DENND2B: variants seen among roughly 807,000 people sequenced by gnomAD.
DENND2B encodes the protein DENN domain containing 2B, also known as DENN domain-containing protein 2B.
DENND2B carries 32 observed loss-of-function variants against 116.0 expected under a neutral mutation model. The observed-to-expected ratio is 0.28, with a 90% CI of 0.21 to 0.37. DENND2B has a LOEUF of 0.37. Among genes scored for constraint, DENND2B ranks in the 10% least tolerant of loss-of-function variants. The pLI, the probability that DENND2B is intolerant of heterozygous loss-of-function variation, is 1.00. For synonymous variants in DENND2B, 588 were observed against 583.9 expected, an observed-to-expected ratio of 1.01 and a Z score of -0.10; for missense variants, 1,276 against 1,477.7, an observed-to-expected ratio of 0.86 and a Z score of 2.24.
At chr11:8,813,936 G>A (rs1446745149), upstream of DENND2B, among the ~76,000 whole-genome samples, 6 of 152,142 alleles carry the variant, frequency 3.9e-5, no homozygotes, top group African/African-American at 1.4e-4. Flanking sequence ...CACTGCCTCT[G>A]CAAGGCTGGA....
chr11:8,821,917 G>A (rs922238335), intron 4 of DENND2B, among the ~76,000 whole-genome samples: 2 of 152,024 alleles, frequency 1.3e-5, no homozygotes, highest in South Asian at 2.1e-4. Flanking sequence ...TCAGCTTCCC[G>A]AGTAGCTGGG....
intron 2 of DENND2B, among the ~76,000 whole-genome samples, chr11:8,746,603 C>T (rs1408772615): frequency 1.3e-5 from 2 of 152,106 alleles, no homozygotes; most frequent in Non-Finnish European, 2.9e-5. Context: ...AGGGATTTGT[C>T]TTAGTTGGGT....
intron 11 of DENND2B, among the ~76,000 whole-genome samples, chr11:8,708,881 G>A (rs1212267151): frequency 6.6e-6 from 1 of 150,592 alleles, no homozygotes; most frequent in Non-Finnish European, 1.5e-5. Context: ...AACCCGGGAG[G>A]TGGAGGTTGC....
chr11:8,824,239 G>A (rs1023538313), intron 4 of DENND2B, among the ~76,000 whole-genome samples: 2 of 150,892 alleles, frequency 1.3e-5, no homozygotes, highest in African/African-American at 2.4e-5. Flanking sequence ...GCATATGCAG[G>A]TTTGTTATAC....
intron 1 of DENND2B, chr11:8,776,160 GCA>G (rs368050554): frequency 0.03 from 11,726 of 389,252 alleles, 573 homozygotes; most frequent in African/African-American, 0.17. Context: ...GCGCGCGCGC[GCA>G]CACACACACA....
chr11:8,696,530 A>G lies in DENND2B; in HGVS notation c.3189T>C (p.Ser1063=). Residue 1063 remains serine (S), a synonymous_variant, in exon 18 of 20, where the codon TCT becomes TCC. Coordinates refer to ENST00000313726, the MANE Select transcript of DENND2B (RefSeq NM_213618.2). ...RAFQREAFRK[S]VASKSIRRFL... ...AGCGGCGGATGCTTTTGGAGGCCAC[A>G]GATTTGCGGAAGGCCTCTCGCTGAA... 6.2e-7 allele frequency: 1 copy of G among 1,614,228 alleles called. No individual in the cohort carries two copies. The highest frequency in any genetic ancestry group is 8.5e-7 in the Non-Finnish European group (1 of 1,180,044).
chr11:8,759,652 G>A (rs752254134), intron 1 of DENND2B, among the ~76,000 whole-genome samples: 7 of 152,194 alleles, frequency 4.6e-5, no homozygotes, highest in Non-Finnish European at 8.8e-5. Flanking sequence ...CCAGGAAAGG[G>A]CCAGCAATAC....
chr11:8,881,151 A>G (rs1004053525), intron 1 of DENND2B: 1 of 152,050 alleles, frequency 6.6e-6, no homozygotes, highest in Non-Finnish European at 1.5e-5. Context: ...TGGGAAATAT[A>G]ATGTATATAT....
intron 2 of DENND2B, among the ~76,000 whole-genome samples, chr11:8,861,289 AAAC>A (rs1486473456): frequency 6.6e-6 from 1 of 152,224 alleles, no homozygotes; most frequent in African/African-American, 2.4e-5. Flanking sequence ...TGCATCTGAC[AAAC>A]AACAAATACC....
At chr11:8,750,417 C>T (rs1384011551) in intron 2 of DENND2B, among the ~76,000 whole-genome samples, 1 of 152,184 alleles carries the variant, frequency 6.6e-6, no homozygotes, top group African/African-American at 2.4e-5. Context: ...CAAAGCAAGG[C>T]TTGTTTTAGG....
intron 1 of DENND2B, among the ~76,000 whole-genome samples, chr11:8,806,401 T>C (rs1039701328): frequency 6.6e-6 from 1 of 152,128 alleles, no homozygotes; most frequent in Admixed American, 6.5e-5. Context: ...ATACGCTAAC[T>C]GCATATAATT....
intron 3 of DENND2B, among the ~76,000 whole-genome samples, chr11:8,727,745 A>AG: frequency 1.3e-5 from 2 of 152,164 alleles, no homozygotes; most frequent in Non-Finnish European, 2.9e-5. Flanking sequence ...TCTTTGGCAT[A>AG]TACAGTAGAC....
chr11:8,730,843 G>A lies in DENND2B; in HGVS notation c.447C>T (p.Gly149=), dbSNP rs762605797. 8.7e-6 allele frequency: 14 copies of A among 1,613,204 alleles called. No individual in the cohort carries two copies. Among genetic ancestry groups the A allele is most frequent in the Middle Eastern group, 3.3e-4 (2 of 6,060 alleles). The part of the protein sequence containing the change: ...PFPGPAAGPR[G]VLLTRTGTRA... ...GGGTACCGGTACGGGTCAGCAAGAC[G>A]CCCCGGGGGCCAGCTGCTGGCCCCG... The change falls in exon 3 of 20, where the codon GGC becomes GGT. Residue 149 remains glycine (G), a synonymous_variant. Transcript: ENST00000313726. The surrounding 1 kb of genome is among the most constrained non-coding windows in gnomAD (Gnocchi z 4.1).
chr11:8,830,401 C>T (rs756755613), intron 4 of DENND2B, among the ~76,000 whole-genome samples: 3 of 152,180 alleles, frequency 2.0e-5, no homozygotes, highest in Non-Finnish European at 2.9e-5. Context: ...ATCCATGGTT[C>T]GTAAACCAAC....
At chr11:8,863,630 A>G (rs2063483127) in intron 2 of DENND2B, among the ~76,000 whole-genome samples, 2 of 152,142 alleles carry the variant, frequency 1.3e-5, no homozygotes, top group African/African-American at 4.8e-5. Flanking sequence ...GAAAAATAGC[A>G]AAACGGAATC....
At chr11:8,760,364 T>A (rs1409243331) in intron 1 of DENND2B, among the ~76,000 whole-genome samples, 2 of 152,208 alleles carry the variant, frequency 1.3e-5, no homozygotes, top group African/African-American at 4.8e-5. Context: ...TCGCCTGTAA[T>A]CCCAGCACTT....
chr11:8,772,934 T>C (rs996201039), intron 1 of DENND2B, among the ~76,000 whole-genome samples: 4 of 152,172 alleles, frequency 2.6e-5, no homozygotes, highest in Admixed American at 1.3e-4. Flanking sequence ...TCTTTCTGTC[T>C]TTCCTTCCCC....
At chr11:8,828,736 G>A (rs1331023512) in intron 4 of DENND2B, among the ~76,000 whole-genome samples, 1 of 152,152 alleles carries the variant, frequency 6.6e-6, no homozygotes, top group Non-Finnish European at 1.5e-5. Context: ...CCATTTCAGG[G>A]AACACTGACC....
intron 1 of DENND2B, 144 bp from the exon 2 acceptor site, chr11:8,750,869 A>G: frequency 1.5e-6 from 1 of 682,016 alleles, no homozygotes; most frequent in Non-Finnish European, 2.5e-6. Flanking sequence ...GTTTAACTCC[A>G]TGTGTTACAG....
Sources: gnomAD v4.1 joint callset for allele counts (sites outside exome capture counted in the v4.1 genomes callset) on GRCh38, gnomAD v4.1.1 for gene constraint, Gnocchi (gnomAD v3.1) non-coding constraint, MANE v1.5 for transcripts, NCBI Gene and HGNC (gene_info 2026-07-23, HGNC 2026-07-21) for gene names.